NLK: variants seen among roughly 807,000 people sequenced by gnomAD.
NLK encodes the protein serine/threonine-protein kinase NLK.
NLK carries 11 observed loss-of-function variants against 59.0 expected under a neutral mutation model. The observed-to-expected ratio is 0.19, with a 90% CI of 0.12 to 0.31. The LOEUF (loss-of-function observed/expected upper bound fraction) is 0.31. Among genes scored for constraint, NLK ranks in the 10% least tolerant of loss-of-function variants. The pLI is 1.00. For synonymous variants in NLK, 235 were observed against 235.9 expected, an observed-to-expected ratio of 1.00 and a Z score of 0.03; for missense variants, 410 against 661.1, an observed-to-expected ratio of 0.62 and a Z score of 4.16.
At chr17:28,129,621 T>C (rs541179549) in intron 2 of NLK, among the ~76,000 whole-genome samples, 4 of 152,260 alleles carry the variant, frequency 2.6e-5, no homozygotes, top group African/African-American at 9.6e-5. Context: ...CGTAAAGAAC[T>C]TAGAATCTAT....
intron 3 of NLK, among the ~76,000 whole-genome samples, chr17:28,153,258 G>A (rs1191178362): frequency 4.7e-5 from 7 of 148,746 alleles, no homozygotes; most frequent in African/African-American, 1.7e-4. Context: ...TGTGCAACAA[G>A]AGCGAAATTC....
chr17:28,203,160 T>TAC, the NLK span, among the ~76,000 whole-genome samples: 23 of 127,100 alleles, frequency 1.8e-4, no homozygotes, highest in African/African-American at 4.2e-4. Flanking sequence ...TGTATATACA[T>TAC]ACATACACAC....
chr17:28,135,973 A>G (rs757917028), intron 3 of NLK, among the ~76,000 whole-genome samples: 16 of 152,204 alleles, frequency 1.1e-4, no homozygotes, highest in Non-Finnish European at 2.1e-4. Context: ...GAAAGTTAGC[A>G]TAGTTATGGT....
chr17:28,200,395 T>C (rs1909599126), downstream of NLK, among the ~76,000 whole-genome samples: 1 of 152,246 alleles, frequency 6.6e-6, no homozygotes, highest in Non-Finnish European at 1.5e-5. Context: ...TCAGACACCA[T>C]TGTTGGCTCT....
downstream of NLK, among the ~76,000 whole-genome samples, chr17:28,200,704 G>A (rs186917798): frequency 3.3e-3 from 508 of 152,240 alleles, 3 homozygotes; most frequent in African/African-American, 0.012. Flanking sequence ...GGCTGGCCTC[G>A]AACTCCTGAC....
intron 7 of NLK, among the ~76,000 whole-genome samples, chr17:28,176,580 T>G (rs566615445): frequency 5.8e-4 from 89 of 152,294 alleles, no homozygotes; most frequent in Admixed American, 2.4e-3. Flanking sequence ...ATGTTAAAAT[T>G]AGGTTTCTTT....
chr17:28,199,741 A>G (rs1298837367), downstream of NLK, among the ~76,000 whole-genome samples: 3 of 151,984 alleles, frequency 2.0e-5, no homozygotes, highest in Non-Finnish European at 4.4e-5. Flanking sequence ...ACAGCCACTA[A>G]AAAGAAAAAA....
At position 28,043,115 on chromosome 17, in the gene NLK, C is replaced by G; in HGVS notation, c.242C>G (p.Ala81Gly). The G allele has an allele frequency of 6.3e-7, 1 of 1,596,906 alleles. No individual in the cohort carries two copies. Among genetic ancestry groups the G allele is most frequent in the Non-Finnish European group, 8.5e-7 (1 of 1,171,822 alleles). ...GCGGCAGCCGCAGCAGCGGCTGCAG[C>G]TGCAGCCATGTTAAACCCTGGGCAA... ...AAAAAAAAAA[A>G]AAMLNPGQQQ... is the part of the protein sequence containing the mutation. The change falls in exon 1 of 11, where the codon GCT becomes GGT. Residue 81 changes from alanine (A) to glycine (G), a missense_variant. Physicochemically the swap from Ala to Gly is moderately conservative, Grantham distance 60 (BLOSUM62 0). Transcript: ENST00000407008.
chr17:28,071,189 A>G (rs750829632), intron 1 of NLK, among the ~76,000 whole-genome samples: 1 of 152,234 alleles, frequency 6.6e-6, no homozygotes, highest in Non-Finnish European at 1.5e-5. Context: ...TCAGTTGAGA[A>G]ACACTATTTT....
intron 1 of NLK, 94 bp downstream of exon 1, chr17:28,043,425 A>G: frequency 8.8e-7 from 1 of 1,132,880 alleles, no homozygotes. Flanking sequence ...CATGTTGACC[A>G]AGGTGCAGCA....
At chr17:28,125,975 A>G (rs1469137119) in intron 2 of NLK, among the ~76,000 whole-genome samples, 1 of 152,230 alleles carries the variant, frequency 6.6e-6, no homozygotes, top group Non-Finnish European at 1.5e-5. Context: ...AACTTGCCCA[A>G]GGTTAAGGTG....
At chr17:28,151,783 A>G (rs1351190570) in intron 3 of NLK, among the ~76,000 whole-genome samples, 2 of 152,196 alleles carry the variant, frequency 1.3e-5, no homozygotes, top group Non-Finnish European at 2.9e-5. Flanking sequence ...CTTAAACATT[A>G]TAATAGATAA....
At chr17:28,132,800 C>A in intron 3 of NLK, 125 bp downstream of exon 3, 1 of 790,088 alleles carries the variant, frequency 1.3e-6, no homozygotes, top group Non-Finnish European at 2.1e-6. Flanking sequence ...GATTGAGTAC[C>A]TGGAACCAGG....
At chr17:28,115,858 GT>G (rs1285192870) in intron 1 of NLK, among the ~76,000 whole-genome samples, 1 of 151,334 alleles carries the variant, frequency 6.6e-6, no homozygotes, top group Non-Finnish European at 1.5e-5. Context: ...ATTATAAATA[GT>G]TTTTTATAAA....
chr17:28,086,896 A>G (rs1227406898), intron 1 of NLK, among the ~76,000 whole-genome samples: 1 of 151,246 alleles, frequency 6.6e-6, no homozygotes, highest in African/African-American at 2.4e-5. Context: ...TATATTTTAT[A>G]TTTTAGCTGG....
intron 7 of NLK, among the ~76,000 whole-genome samples, chr17:28,182,699 AC>A (rs1193844668): frequency 6.8e-6 from 1 of 147,278 alleles, no homozygotes; most frequent in Non-Finnish European, 1.5e-5. Context: ...TTCCCCCACC[AC>A]CCCACCCCTG....
chr17:28,105,587 A>T (rs1169552937), intron 1 of NLK, among the ~76,000 whole-genome samples: 1 of 152,192 alleles, frequency 6.6e-6, no homozygotes, highest in African/African-American at 2.4e-5. Flanking sequence ...TGTTAGTAAA[A>T]AATTGATTTG....
intron 3 of NLK, among the ~76,000 whole-genome samples, chr17:28,147,393 G>A (rs1241813667): frequency 6.6e-6 from 1 of 152,138 alleles, no homozygotes; most frequent in African/African-American, 2.4e-5. Flanking sequence ...TTTGACAGTT[G>A]GGGTAGTCAG....
At chr17:28,070,765 T>A (rs1909980509) in intron 1 of NLK, among the ~76,000 whole-genome samples, 1 of 152,196 alleles carries the variant, frequency 6.6e-6, no homozygotes, top group African/African-American at 2.4e-5. Context: ...AATACTAATT[T>A]TAAAGTAAAA....
Sources: allele counts gnomAD v4.1 joint callset (sites outside exome capture counted in the v4.1 genomes callset), GRCh38; gene constraint gnomAD v4.1.1; transcripts MANE v1.5; gene names NCBI Gene and HGNC (gene_info 2026-07-23, HGNC 2026-07-21).